Variants in LRRC8A observed in about 807,000 individuals in gnomAD.
LRRC8A encodes leucine rich repeat containing 8 VRAC subunit A.
LRRC8A carries 24 observed loss-of-function variants against 52.5 expected under a neutral mutation model. The observed-to-expected ratio is 0.46, with a 90% CI of 0.33 to 0.64. LRRC8A has a LOEUF of 0.64. Among genes scored for constraint, LRRC8A ranks in the 30% least tolerant of loss-of-function variants. The pLI is 0.02. For synonymous variants in LRRC8A, 492 were observed against 494.2 expected, an observed-to-expected ratio of 1.00 and a Z score of 0.06; for missense variants, 677 against 1,094.7, an observed-to-expected ratio of 0.62 and a Z score of 5.38.
At position 128,911,316 on chromosome 9, in the gene LRRC8A, C is replaced by T. The variant is rs570889531; in HGVS notation, c.2157+1995C>T. Among the ~76,000 whole-genome samples the T allele has an allele frequency of 1.3e-5, 2 of 152,314 alleles. No individual in the cohort carries two copies. The highest frequency in any genetic ancestry group is 3.9e-4 in the East Asian group (2 of 5,180). ...ATCAGGGATTTTGACAAGTCCTTAT[C>T]TCCGGCCACCCCATATTATGACTTG... On this transcript the variant is annotated intron_variant, in intron 3 of 3. Coordinates refer to ENST00000372600, the MANE Select transcript of LRRC8A (RefSeq NM_019594.4). This position sits in a 1 kb window ranked among gnomAD's most constrained non-coding sequence, Gnocchi z 4.9.
chr9:128,914,384 G>T (rs1275066226), intron 3 of LRRC8A, among the ~76,000 whole-genome samples: 1 of 102,424 alleles, frequency 9.8e-6, no homozygotes, highest in Non-Finnish European at 2.5e-5. Context: ...CAGCCACAGA[G>T]TGTCCAAGCT....
chr9:128,882,994 C>A (rs1839165680), intron 1 of LRRC8A: 1 of 387,068 alleles, frequency 2.6e-6, no homozygotes, highest in Non-Finnish European at 4.6e-6. Flanking sequence ...CTGCTGCTTT[C>A]GCTGACTGCT....
At chr9:128,894,792 C>A (rs1402514405) in intron 2 of LRRC8A, among the ~76,000 whole-genome samples, 5 of 123,394 alleles carry the variant, frequency 4.1e-5, no homozygotes, top group South Asian at 2.6e-4. Flanking sequence ...GACTCTACCT[C>A]AAAAAAAAAA....
At position 128,907,969 on chromosome 9, in the gene LRRC8A, A is replaced by G. The variant is rs1468230829; in HGVS notation, c.805A>G (p.Ile269Val). The G allele has an allele frequency of 6.2e-7, 1 of 1,614,010 alleles. No individual in the cohort carries two copies. The highest frequency in any genetic ancestry group is 8.5e-7 in the Non-Finnish European group (1 of 1,180,026). Residue 269 changes from isoleucine (I) to valine (V), a missense_variant, in exon 3 of 4, where the codon ATC becomes GTC. This residue lies in a region of LRRC8A where 422 missense variants were observed against 741.5 expected (regional missense o/e 0.57). Transcript: ENST00000372600. The surrounding 1 kb of genome is among the most constrained non-coding windows in gnomAD (Gnocchi z 9.3). ...GTACCGCCTCTACATGCGGCAGACCATCATCAAGGTGATCAAGTTCATCCT... is the reference window on the plus strand; with the variant it reads ...GTACCGCCTCTACATGCGGCAGACCGTCATCAAGGTGATCAAGTTCATCCT... ...IVYRLYMRQT[I>V]IKVIKFILII...
chr9:128,906,688 C>T (rs1339217740), intron 2 of LRRC8A, among the ~76,000 whole-genome samples: 1 of 152,152 alleles, frequency 6.6e-6, no homozygotes, highest in African/African-American at 2.4e-5. Context: ...TGCTTTCTTT[C>T]CTCATATTTT....
chr9:128,915,069 A>C (rs759334181), intron 3 of LRRC8A, among the ~76,000 whole-genome samples: 1 of 152,194 alleles, frequency 6.6e-6, no homozygotes, highest in Non-Finnish European at 1.5e-5. Flanking sequence ...TATTGACAGA[A>C]TATTTATAGG....
In LRRC8A at chr9:128,911,365, G is replaced by A. The variant is rs1201318066; in HGVS notation, c.2157+2044G>A. ...TGAGCACAGTGGGAGAGTGGACCAG[G>A]GCAGGGTTTTCTCTTGTAGTTTCGG... On this transcript the variant is annotated intron_variant, in intron 3 of 3. Coordinates refer to ENST00000372600, the MANE Select transcript of LRRC8A (RefSeq NM_019594.4). This position sits in a 1 kb window ranked among gnomAD's most constrained non-coding sequence, Gnocchi z 4.9. 2.6e-5 allele frequency among the ~76,000 whole-genome samples: 4 copies of A among 152,176 alleles called. No homozygotes were observed. Among genetic ancestry groups the A allele is most frequent in the Non-Finnish European group, 4.4e-5 (3 of 68,036 alleles).
chr9:128,886,193 A>G (rs1839388263), intron 2 of LRRC8A, 72 bp downstream of exon 2: 1 of 152,638 alleles, frequency 6.6e-6, no homozygotes, highest in Admixed American at 6.5e-5. Flanking sequence ...CCTGGGGAGC[A>G]AAGGGTAGCA....
chr9:128,886,440 TC>T (rs1431376981), intron 2 of LRRC8A, among the ~76,000 whole-genome samples: 3 of 152,220 alleles, frequency 2.0e-5, no homozygotes, highest in Non-Finnish European at 2.9e-5. Flanking sequence ...GGACCACGTT[TC>T]CCAAGTGTGT....
intron 1 of LRRC8A, 138 bp from the exon 2 acceptor site, chr9:128,885,877 A>G (rs1358868730): frequency 1.3e-5 from 2 of 152,152 alleles, no homozygotes; most frequent in East Asian, 3.9e-4. Flanking sequence ...CCACTATACA[A>G]AAAAAACCTC....
chr9:128,897,486 A>G lies in LRRC8A; in HGVS notation c.-8-9671A>G, dbSNP rs373236862. On this transcript the variant is annotated intron_variant, in intron 2 of 3. Coordinates refer to ENST00000372600, the MANE Select transcript of LRRC8A (RefSeq NM_019594.4). The stretch of plus-strand genomic sequence containing the variant: ...GCCTCCTCAAGTGCTGGGATTACAG[A>G]CGTGAGCCACAGCACACGGCCTGTC... Among the ~76,000 whole-genome samples the G allele has an allele frequency of 2.6e-5, 4 of 151,562 alleles. No individual in the cohort carries two copies. The East Asian group carries it at 7.8e-4, about 30-fold the overall frequency.
intron 2 of LRRC8A, among the ~76,000 whole-genome samples, chr9:128,900,790 G>A (rs1032760001): frequency 1.3e-5 from 2 of 152,164 alleles, no homozygotes; most frequent in Admixed American, 6.5e-5. Flanking sequence ...CTACTTAGGA[G>A]GCTGAGGTGG....
intron 1 of LRRC8A, among the ~76,000 whole-genome samples, chr9:128,884,416 C>T (rs940481525): frequency 6.6e-6 from 1 of 152,318 alleles, no homozygotes; most frequent in East Asian, 1.9e-4. Flanking sequence ...TTCATTCATT[C>T]ATTCAGCCAT....
intron 2 of LRRC8A, among the ~76,000 whole-genome samples, chr9:128,898,074 G>A (rs1192334496): frequency 2.2e-5 from 3 of 137,026 alleles, no homozygotes; most frequent in Admixed American, 7.2e-5. Flanking sequence ...GTGTGTGTGT[G>A]TGTGTGTGTG....
intron 3 of LRRC8A, among the ~76,000 whole-genome samples, chr9:128,912,991 G>C (rs979372034): frequency 1.3e-5 from 2 of 152,150 alleles, no homozygotes; most frequent in African/African-American, 4.8e-5. Flanking sequence ...GGTGTCTGGG[G>C]CTCTGGGATG....
Position 128,916,424 on chromosome 9 carries a change from C to T in LRRC8A, c.*53C>T, listed in dbSNP as rs1326106390. ...CAGGACCGCTGCCCAGTCCTCAGGCCCGGAGGGGCAGGCCTAGCTTCTCCC... is the reference window on the plus strand; with the variant it reads ...CAGGACCGCTGCCCAGTCCTCAGGCTCGGAGGGGCAGGCCTAGCTTCTCCC... On this transcript the variant is annotated 3_prime_UTR_variant, in exon 4 of 4. Coordinates refer to ENST00000372600, the MANE Select transcript of LRRC8A (RefSeq NM_019594.4). This position sits in a 1 kb window ranked among gnomAD's most constrained non-coding sequence, Gnocchi z 6.1. The T allele has an allele frequency of 1.3e-6, 2 of 1,555,492 alleles. No homozygotes were observed. The highest frequency in any genetic ancestry group is 2.3e-5 in the East Asian group (1 of 43,674).
intron 2 of LRRC8A, among the ~76,000 whole-genome samples, chr9:128,905,044 A>T (rs1180211811): frequency 2.0e-5 from 3 of 150,962 alleles, no homozygotes; most frequent in African/African-American, 7.3e-5. Flanking sequence ...ATGGTGGCAC[A>T]CACCTGTAGC....
At position 128,899,575 on chromosome 9, in the gene LRRC8A, A is replaced by G. The variant is rs1839949246; in HGVS notation, c.-8-7582A>G. On this transcript the variant is annotated intron_variant, in intron 2 of 3. Coordinates refer to ENST00000372600, the MANE Select transcript of LRRC8A (RefSeq NM_019594.4). This position sits in a 1 kb window ranked among gnomAD's most constrained non-coding sequence, Gnocchi z 4.0. Reference sequence around the variant, plus strand: ...CACCTTAAAAAAAAAAGCCTTAACAAAAGGACATTCTCATATGTGTTAGAA... The same window carrying G: ...CACCTTAAAAAAAAAAGCCTTAACAGAAGGACATTCTCATATGTGTTAGAA... 6.6e-6 allele frequency among the ~76,000 whole-genome samples: 1 copy of G among 152,136 alleles called. No homozygotes were observed. The highest frequency in any genetic ancestry group is 1.5e-5 in the Non-Finnish European group (1 of 68,016).
At chr9:128,913,847 C>T (rs1439332824) in intron 3 of LRRC8A, among the ~76,000 whole-genome samples, 1 of 152,196 alleles carries the variant, frequency 6.6e-6, no homozygotes, top group Non-Finnish European at 1.5e-5. Flanking sequence ...CAAATGCATT[C>T]CTGATCCTTG....
Sources: allele counts gnomAD v4.1 joint callset (sites outside exome capture counted in the v4.1 genomes callset), GRCh38; gene constraint gnomAD v4.1.1; regional missense constraint gnomAD v4.1.1; non-coding constraint Gnocchi (gnomAD v3.1); transcripts MANE v1.5; gene names NCBI Gene and HGNC (gene_info 2026-07-23, HGNC 2026-07-21).